Variants in ATE1 observed in about 807,000 individuals in gnomAD.
ATE1 encodes the protein arginyl-tRNA--protein transferase 1.
Under a neutral mutation model 70.5 loss-of-function variants are expected in ATE1, and 36 were observed. The observed-to-expected ratio is 0.51, with a 90% CI of 0.39 to 0.67. The LOEUF (loss-of-function observed/expected upper bound fraction) is 0.67. Ranked by LOEUF, ATE1 falls within the 30% of genes least tolerant of loss-of-function variation. ATE1 has a pLI of 0.00. For synonymous variants in ATE1, 232 were observed against 219.3 expected, an observed-to-expected ratio of 1.06 and a Z score of -0.51; for missense variants, 593 against 629.5, an observed-to-expected ratio of 0.94 and a Z score of 0.62.
chr10:121,842,475 A>G (rs1948665522), intron 8 of ATE1, among the ~76,000 whole-genome samples: 1 of 152,144 alleles, frequency 6.6e-6, no homozygotes. Context: ...AGAGAATAAA[A>G]AAAAATGAGA....
At chr10:121,752,530 T>G (rs746225671) in intron 11 of ATE1, among the ~76,000 whole-genome samples, 6 of 152,108 alleles carry the variant, frequency 3.9e-5, no homozygotes, top group Non-Finnish European at 8.8e-5. Context: ...CACCTGGCAT[T>G]TCTACGAATT....
chr10:121,925,712 A>C (rs7914615), intron 1 of ATE1, among the ~76,000 whole-genome samples: 67,555 of 150,716 alleles, frequency 0.45, 16,405 homozygotes, highest in African/African-American at 0.63. Context: ...TGTTTTCACA[A>C]AAAAAAAATA....
intron 10 of ATE1, among the ~76,000 whole-genome samples, chr10:121,795,739 C>A (rs1212302226): frequency 2.6e-5 from 4 of 152,162 alleles, no homozygotes; most frequent in African/African-American, 9.7e-5. Context: ...GCTTTCTAAA[C>A]TAAGCTGGTC....
intron 7 of ATE1, among the ~76,000 whole-genome samples, chr10:121,871,234 C>T (rs1052096260): frequency 6.6e-6 from 1 of 152,148 alleles, no homozygotes; most frequent in Non-Finnish European, 1.5e-5. Flanking sequence ...GCGGGTGGAT[C>T]ACCTGAGGGA....
intron 11 of ATE1, among the ~76,000 whole-genome samples, chr10:121,773,687 A>C (rs1431509422): frequency 6.6e-6 from 1 of 152,192 alleles, no homozygotes; most frequent in Non-Finnish European, 1.5e-5. Context: ...CAGAATCAGA[A>C]GGTCCTATAT....
At chr10:121,897,428 C>T (rs1444358836) in intron 7 of ATE1, among the ~76,000 whole-genome samples, 1 of 152,178 alleles carries the variant, frequency 6.6e-6, no homozygotes, top group Non-Finnish European at 1.5e-5. Context: ...AGAATCCTTA[C>T]TATCTGCAAA....
intron 7 of ATE1, among the ~76,000 whole-genome samples, chr10:121,897,383 C>T (rs1157547849): frequency 6.6e-6 from 1 of 152,152 alleles, no homozygotes. Flanking sequence ...AAAAAGACCC[C>T]CTGAGAATAT....
chr10:121,753,854 G>C (rs748405507), intron 11 of ATE1, among the ~76,000 whole-genome samples: 4 of 152,190 alleles, frequency 2.6e-5, no homozygotes, highest in Non-Finnish European at 5.9e-5. Flanking sequence ...GAGGGAAGTT[G>C]GTTTATGTGC....
intron 11 of ATE1, among the ~76,000 whole-genome samples, chr10:121,751,517 A>G (rs1944579288): frequency 6.6e-6 from 1 of 152,228 alleles, no homozygotes; most frequent in Non-Finnish European, 1.5e-5. Flanking sequence ...TAGTCGGTGC[A>G]TAGCAGTATC....
At chr10:121,872,224 G>A (rs1949886710) in intron 7 of ATE1, among the ~76,000 whole-genome samples, 1 of 152,180 alleles carries the variant, frequency 6.6e-6, no homozygotes, top group Admixed American at 6.5e-5. Flanking sequence ...GAATATAAAT[G>A]TTGTCTATAA....
At chr10:121,813,399 G>A (rs1425163706) in intron 10 of ATE1, among the ~76,000 whole-genome samples, 3 of 152,172 alleles carry the variant, frequency 2.0e-5, no homozygotes, top group Admixed American at 2.0e-4. Context: ...CCACAAAACT[G>A]AGCACCCAGG....
At chr10:121,812,487 T>C (rs1267423282) in intron 10 of ATE1, among the ~76,000 whole-genome samples, 1 of 152,164 alleles carries the variant, frequency 6.6e-6, no homozygotes, top group East Asian at 1.9e-4. Context: ...GTCCTTCCAA[T>C]TCCTGGCCTA....
intron 11 of ATE1, among the ~76,000 whole-genome samples, chr10:121,771,384 T>G (rs1945512884): frequency 6.6e-6 from 1 of 152,212 alleles, no homozygotes. Context: ...CTACTTTAAA[T>G]AGTGATTTTC....
chr10:121,829,908 G>A (rs11200183), intron 10 of ATE1, among the ~76,000 whole-genome samples: 19,916 of 152,064 alleles, frequency 0.13, 1,488 homozygotes, highest in East Asian at 0.19. Flanking sequence ...TTTTGTAGCC[G>A]TAGGCTAAAT....
At chr10:121,831,379 T>C (rs1204371401) in intron 10 of ATE1, among the ~76,000 whole-genome samples, 1 of 152,220 alleles carries the variant, frequency 6.6e-6, no homozygotes, top group East Asian at 1.9e-4. Context: ...GTTATTTACA[T>C]CATTATCAGC....
chr10:121,870,778 T>C (rs1169196241), intron 7 of ATE1, among the ~76,000 whole-genome samples: 1 of 152,236 alleles, frequency 6.6e-6, no homozygotes, highest in African/African-American at 2.4e-5. Context: ...ACAAAGCAAA[T>C]TGTAGTATAC....
intron 6 of ATE1, among the ~76,000 whole-genome samples, chr10:121,902,105 T>C (rs1441880391): frequency 6.6e-6 from 1 of 152,200 alleles, no homozygotes; most frequent in Non-Finnish European, 1.5e-5. Context: ...ATTTTAACTA[T>C]TAAATTTCAA....
intron 10 of ATE1, among the ~76,000 whole-genome samples, chr10:121,797,111 T>G (rs1456837977): frequency 6.6e-6 from 1 of 152,208 alleles, no homozygotes; most frequent in African/African-American, 2.4e-5. Context: ...AAAAATTGGA[T>G]TTCACAATTA....
chr10:121,852,406 A>AT (rs201539144), intron 8 of ATE1, among the ~76,000 whole-genome samples: 19,967 of 151,620 alleles, frequency 0.13, 1,499 homozygotes, highest in East Asian at 0.19. Context: ...TTGCTTTTTT[A>AT]TTTTTTTTTA....
Sources: gnomAD v4.1 joint callset for allele counts (sites outside exome capture counted in the v4.1 genomes callset) on GRCh38, gnomAD v4.1.1 for gene constraint, MANE v1.5 for transcripts, NCBI Gene and HGNC (gene_info 2026-07-23, HGNC 2026-07-21) for gene names.